EEIG2: variants seen among roughly 807,000 people sequenced by gnomAD.
EEIG2 encodes the protein EEIG family member 2.
chr1:108,578,211 G>A, the EEIG2 span, among the ~76,000 whole-genome samples: 1 of 109,616 alleles, frequency 9.1e-6, no homozygotes, highest in Non-Finnish European at 1.8e-5. Context: ...TGAGACGATG[G>A]GGTTTTCTAG....
the EEIG2 span, among the ~76,000 whole-genome samples, chr1:108,608,848 G>A: frequency 6.6e-6 from 1 of 152,244 alleles, no homozygotes; most frequent in African/African-American, 2.4e-5. Flanking sequence ...AGATCAAGGT[G>A]CTGGTGGATC....
At chr1:108,629,498 A>G in the EEIG2 span, 5 of 944,156 alleles carry the variant, frequency 5.3e-6, no homozygotes, top group Non-Finnish European at 6.4e-6. Flanking sequence ...CTAATAAACA[A>G]TTGTAAAATA....
chr1:108,622,882 G>A, the EEIG2 span, among the ~76,000 whole-genome samples: 1 of 152,074 alleles, frequency 6.6e-6, no homozygotes. Context: ...TTTTATCTCT[G>A]GTCACCAAGG....
chr1:108,636,680 G>C, the EEIG2 span: 1 of 152,128 alleles, frequency 6.6e-6, no homozygotes, highest in South Asian at 2.1e-4. Flanking sequence ...CTGAGAGAGA[G>C]AATGTTCTGA....
At chr1:108,571,198 A>C in the EEIG2 span, among the ~76,000 whole-genome samples, 2 of 152,038 alleles carry the variant, frequency 1.3e-5, no homozygotes, top group African/African-American at 4.8e-5. Context: ...CACGTGCCTC[A>C]AGCTTTTAAA....
the EEIG2 span, among the ~76,000 whole-genome samples, chr1:108,594,952 T>C: frequency 6.6e-6 from 1 of 152,180 alleles, no homozygotes; most frequent in East Asian, 1.9e-4. Context: ...TAGATTAATA[T>C]TTCTGCTAAT....
the EEIG2 span, among the ~76,000 whole-genome samples, chr1:108,597,032 A>G: frequency 6.6e-6 from 1 of 152,100 alleles, no homozygotes; most frequent in Admixed American, 6.5e-5. Context: ...CAGCCAAGTT[A>G]GTTTTTTTCT....
At chr1:108,631,139 A>T in the EEIG2 span, 6 of 401,264 alleles carry the variant, frequency 1.5e-5, no homozygotes, top group South Asian at 1.1e-4. Flanking sequence ...TCATCTGCTT[A>T]TTAAATTCAG....
chr1:108,589,614 C>T, the EEIG2 span, among the ~76,000 whole-genome samples: 5 of 151,974 alleles, frequency 3.3e-5, no homozygotes, highest in Admixed American at 1.3e-4. Context: ...CCACTGTTGA[C>T]GTGTTAGCCT....
At chr1:108,637,140 C>T in the EEIG2 span, 1 of 152,052 alleles carries the variant, frequency 6.6e-6, no homozygotes, top group South Asian at 2.1e-4. Flanking sequence ...TTAAATGGTA[C>T]AGAATTCTTT....
the EEIG2 span, chr1:108,627,183 C>T: frequency 6.6e-6 from 1 of 152,182 alleles, no homozygotes; most frequent in South Asian, 2.1e-4. Context: ...CGCTGCATAA[C>T]TCGATATGAA....
chr1:108,609,419 G>A, the EEIG2 span, among the ~76,000 whole-genome samples: 7 of 152,144 alleles, frequency 4.6e-5, no homozygotes, highest in South Asian at 4.1e-4. Flanking sequence ...GGGGGTAAGG[G>A]GTGGAAGGCG....
At chr1:108,614,956 C>T in the EEIG2 span, among the ~76,000 whole-genome samples, 1 of 152,074 alleles carries the variant, frequency 6.6e-6, no homozygotes, top group Admixed American at 6.6e-5. Context: ...GAAAGCAGAC[C>T]TCAGGGTTCT....
chr1:108,609,633 T>C, the EEIG2 span, among the ~76,000 whole-genome samples: 4 of 152,136 alleles, frequency 2.6e-5, no homozygotes, highest in Non-Finnish European at 5.9e-5. Context: ...AAGAGGACAT[T>C]GTGGCTGCCA....
At chr1:108,625,115 T>TC in the EEIG2 span, 1 of 188,372 alleles carries the variant, frequency 5.3e-6, no homozygotes. Context: ...TCAGTGGTTC[T>TC]CAAGCCCTAG....
chr1:108,560,209 G>T, the EEIG2 span: 1 of 151,010 alleles, frequency 6.6e-6, no homozygotes, highest in Admixed American at 6.8e-5. Flanking sequence ...CCCCGCGGGC[G>T]GTCGGGGTCC....
chr1:108,603,983 A>G, the EEIG2 span, among the ~76,000 whole-genome samples: 8 of 152,228 alleles, frequency 5.3e-5, no homozygotes, highest in Non-Finnish European at 7.3e-5. Context: ...AAGGTAAGAC[A>G]TGTAGGAGAC....
chr1:108,621,748 G>A, the EEIG2 span, among the ~76,000 whole-genome samples: 2 of 152,034 alleles, frequency 1.3e-5, no homozygotes, highest in African/African-American at 2.4e-5. Context: ...AGCCATCAGT[G>A]ATTAATGACT....
At chr1:108,572,765 G>A in the EEIG2 span, among the ~76,000 whole-genome samples, 5 of 152,038 alleles carry the variant, frequency 3.3e-5, no homozygotes, top group Non-Finnish European at 5.9e-5. Flanking sequence ...ACAGGAGCGC[G>A]CCACCACACC....
Sources: gnomAD v4.1 joint callset for allele counts (sites outside exome capture counted in the v4.1 genomes callset) on GRCh38, gnomAD v4.1.1 for gene constraint, MANE v1.5 for transcripts, NCBI Gene and HGNC (gene_info 2026-07-23, HGNC 2026-07-21) for gene names.